The following PRDM8 variants were observed in gnomAD, a reference collection of about 807,000 sequenced individuals.
The protein encoded by PRDM8 is PR/SET domain 8.
In PRDM8, 13 loss-of-function variants were observed where a neutral mutation model predicts 46.5. The observed-to-expected ratio is 0.28, with a 90% CI of 0.18 to 0.44. The LOEUF (loss-of-function observed/expected upper bound fraction) is 0.44. Among genes scored for constraint, PRDM8 ranks in the 20% least tolerant of loss-of-function variants. The pLI is 1.00. For missense variants in PRDM8, 998 were observed against 955.0 expected, an observed-to-expected ratio of 1.04 and a Z score of -0.59; for synonymous variants, 473 against 438.4, an observed-to-expected ratio of 1.08 and a Z score of -0.98.
Position 80,203,048 on chromosome 4 carries a change from C to T in PRDM8, c.1586C>T (p.Ala529Val), listed in dbSNP as rs760114885. The stretch of plus-strand genomic sequence containing the variant: ...GGCGCGCTCGAGCCATGCCACCCCG[C>T]CGACGGCGTGGGCCCCACCAGACTC... ...KLGALEPCHP[A>V]DGVGPTRLYP... is the part of the protein sequence containing the mutation. Residue 529 changes from alanine to valine, a missense_variant, in exon 4 of 4, where the codon GCC becomes GTC. Coordinates refer to ENST00000415738, the MANE Select transcript of PRDM8 (RefSeq NM_001099403.2). The T allele has an allele frequency of 5.2e-5, 81 of 1,556,308 alleles. No homozygotes were observed. Among genetic ancestry groups the T allele is most frequent in the Non-Finnish European group, 6.4e-5 (74 of 1,160,828 alleles).
Position 80,202,227 on chromosome 4 carries a change from G to A in PRDM8, c.765G>A (p.Ala255=). ...CCGCTGCCGCCGGCGGCAGCAGCGC[G>A]AAGCCATCCACAGACTTCCACAACC... is the stretch of plus-strand genomic sequence containing the variant. ...NPSAAAGGSS[A]KPSTDFHNLA... is the part of the protein sequence containing the mutation. The change falls in exon 4 of 4, where the codon GCG becomes GCA. Residue 255 remains alanine (A), a synonymous_variant. Transcript: ENST00000415738. 3 of 1,611,632 alleles carry A rather than the reference G, an allele frequency of 1.9e-6. No homozygotes were observed. Among genetic ancestry groups the A allele is most frequent in the Non-Finnish European group, 2.5e-6 (3 of 1,179,680 alleles).
Position 80,203,070 on chromosome 4 carries a change from A to C in PRDM8, c.1608A>C (p.Arg536Ser). 6.4e-7 allele frequency: 1 copy of C among 1,566,556 alleles called. No individual in the cohort carries two copies. Among genetic ancestry groups the C allele is most frequent in the Non-Finnish European group, 8.6e-7 (1 of 1,165,640 alleles). ...CHPADGVGPT[R>S]LYPAAADPLA... ...CCGCCGACGGCGTGGGCCCCACCAGACTCTATCCCGCCGCCGCGGACCCTC... is the reference window on the plus strand; with the variant it reads ...CCGCCGACGGCGTGGGCCCCACCAGCCTCTATCCCGCCGCCGCGGACCCTC... The change falls in exon 4 of 4, where the codon AGA (arginine) becomes AGC (serine). Residue 536 changes from arginine to serine, a missense_variant. Coordinates refer to ENST00000415738, the MANE Select transcript of PRDM8 (RefSeq NM_001099403.2).
chr4:80,193,270 C>T (rs1288283281), upstream of PRDM8, among the ~76,000 whole-genome samples: 1 of 152,166 alleles, frequency 6.6e-6, no homozygotes, highest in Non-Finnish European at 1.5e-5. Context: ...AACTACAATA[C>T]TTAGGGTGAG....
At chr4:80,196,262 A>C, upstream of PRDM8, 1 of 961,470 alleles carries the variant, frequency 1.0e-6, no homozygotes, top group Non-Finnish European at 1.2e-6. Context: ...TAATGCTGAC[A>C]GATTGCCCAC....
upstream of PRDM8, chr4:80,196,482 G>C (rs1371252674): frequency 1.0e-6 from 1 of 985,420 alleles, no homozygotes; most frequent in East Asian, 1.1e-4. Context: ...TGCACTAAAG[G>C]GGCAAGTCAG....
Position 80,200,170 on chromosome 4 carries a change from C to T in PRDM8, c.90C>T (p.Tyr30=), listed in dbSNP as rs767896746. The stretch of plus-strand genomic sequence containing the variant: ...TGACAGATATTTTTACCAGCGTTTA[C>T]ACCACCTGCGACATCCCTGAGAATG... The part of the protein sequence containing the change: ...QCLTDIFTSV[Y]TTCDIPENAI... The change falls in exon 2 of 4, where the codon TAC becomes TAT. Residue 30 remains tyrosine, a synonymous_variant. Coordinates refer to ENST00000415738, the MANE Select transcript of PRDM8 (RefSeq NM_001099403.2). The T allele has an allele frequency of 9.9e-6, 16 of 1,614,032 alleles. No homozygotes were observed. In the African/African-American group the frequency reaches 2.1e-4, roughly 22 times the overall value.
upstream of PRDM8, among the ~76,000 whole-genome samples, chr4:80,195,208 T>C (rs1385754802): frequency 2.0e-5 from 3 of 152,220 alleles, no homozygotes; most frequent in Admixed American, 2.0e-4. Context: ...AATGAAATTA[T>C]GTTCTTAAAC....
At chr4:80,195,777 T>G (rs1169240004), upstream of PRDM8, among the ~76,000 whole-genome samples, 1 of 152,096 alleles carries the variant, frequency 6.6e-6, no homozygotes, top group Admixed American at 6.6e-5. Flanking sequence ...ACCTGAAAAC[T>G]AAGGGATTCC....
chr4:80,195,356 T>C (rs1441686962), upstream of PRDM8, among the ~76,000 whole-genome samples: 1 of 152,222 alleles, frequency 6.6e-6, no homozygotes, highest in Non-Finnish European at 1.5e-5. Context: ...TCTTCTTTCT[T>C]CTACTCTGAA....
Position 80,202,305 on chromosome 4 carries a change from G to GAGCCTCAGC in PRDM8, c.847_855dup (p.Leu283_Ser285dup). 1.9e-6 allele frequency: 3 copies of GAGCCTCAGC among 1,605,482 alleles called. 1 individual carries two copies. The South Asian group carries it at 3.3e-5, about 18-fold the overall frequency. On this transcript the variant is annotated inframe_insertion, in exon 4 of 4. Coordinates refer to ENST00000415738, the MANE Select transcript of PRDM8 (RefSeq NM_001099403.2). ...GAGGCAGCAGCTGCTCCCCAGCCCA[G>GAGCCTCAGC]AGCCTCAGCAGCGGTAGCGGCAGCG...
In PRDM8 at chr4:80,202,120, C is replaced by A. The variant is rs1738523106; in HGVS notation, c.658C>A (p.Pro220Thr). ...KDQQQQQQEA[P>T]LGPGPKFCKA... ...CCAGCAGCAGCAGCAGCAGGAGGCA[C>A]CTTTAGGCCCGGGTCCCAAGTTTTG... The change falls in exon 4 of 4, where the codon CCT becomes ACT. Residue 220 changes from proline (P) to threonine (T), a missense_variant. Coordinates refer to ENST00000415738, the MANE Select transcript of PRDM8 (RefSeq NM_001099403.2). 1 of 1,604,742 alleles carries A rather than the reference C, an allele frequency of 6.2e-7. No individual in the cohort carries two copies. Among genetic ancestry groups the A allele is most frequent in the African/African-American group, 1.4e-5 (1 of 71,764 alleles).
chr4:80,188,877 G>C (rs1277143774), intron 1 of PRDM8, among the ~76,000 whole-genome samples: 1 of 152,262 alleles, frequency 6.6e-6, no homozygotes, highest in Non-Finnish European at 1.5e-5. Flanking sequence ...GGCTCCGCTC[G>C]AAGCCAGCGT....
At chr4:80,193,097 C>T (rs183422526), upstream of PRDM8, among the ~76,000 whole-genome samples, 2 of 152,122 alleles carry the variant, frequency 1.3e-5, no homozygotes, top group Non-Finnish European at 2.9e-5. Flanking sequence ...GGATCATTTA[C>T]GAGGAAAAGC....
upstream of PRDM8, among the ~76,000 whole-genome samples, chr4:80,195,608 T>C (rs763561325): frequency 2.0e-5 from 3 of 151,986 alleles, no homozygotes; most frequent in Non-Finnish European, 4.4e-5. Flanking sequence ...GGTAGCTCAG[T>C]ATAGCTGCAG....
At chr4:80,198,256 C>G (rs906390009) in intron 1 of PRDM8, among the ~76,000 whole-genome samples, 7 of 152,282 alleles carry the variant, frequency 4.6e-5, no homozygotes, top group Middle Eastern at 3.4e-3. Flanking sequence ...ACCTTTTTGC[C>G]GTATTGTTAG....
chr4:80,186,060 T>C (rs930744821), intron 1 of PRDM8, among the ~76,000 whole-genome samples: 7 of 152,040 alleles, frequency 4.6e-5, no homozygotes, highest in Admixed American at 2.6e-4. Context: ...AGAGATCCAC[T>C]CTGAAATAAA....
At chr4:80,196,281 A>T, upstream of PRDM8, 1 of 975,974 alleles carries the variant, frequency 1.0e-6, no homozygotes, top group Non-Finnish European at 1.2e-6. Context: ...ACTTCAAAGT[A>T]GTGGTGGTGT....
At position 80,200,241 on chromosome 4, in the gene PRDM8, G is replaced by A. The variant is rs1475723781; in HGVS notation, c.161G>A (p.Ser54Asn). The change falls in exon 2 of 4, where the codon AGC becomes AAC. Residue 54 changes from serine (S) to asparagine (N), a missense_variant. By Grantham distance (46) the Ser-to-Asn change is conservative (BLOSUM62 1). Transcript: ENST00000415738. ...CTGAGCCATACTTCCCTATATGACA[G>A]CATAGCTTTCATAGCTCTCAAGTCT... ...CVLSHTSLYD[S>N]IAFIALKSTD... The A allele has an allele frequency of 6.2e-7, 1 of 1,614,068 alleles. No homozygotes were observed. Among genetic ancestry groups the A allele is most frequent in the Admixed American group, 1.7e-5 (1 of 60,014 alleles).
At chr4:80,195,928 C>CACACACACAGAGAGAGAGAGAGAGAG (rs373592223), upstream of PRDM8, 2 of 139,878 alleles carry the variant, frequency 1.4e-5, no homozygotes, top group East Asian at 2.9e-4. Context: ...CACACACACA[C>CACACACACAGAGAGAGAGAGAGAGAG]AGAGAGAGAG....
Sources: allele counts gnomAD v4.1 joint callset (sites outside exome capture counted in the v4.1 genomes callset), GRCh38; gene constraint gnomAD v4.1.1; transcripts MANE v1.5; gene names NCBI Gene and HGNC (gene_info 2026-07-23, HGNC 2026-07-21).